The following KMT2C variants were observed in gnomAD, a reference collection of about 807,000 sequenced individuals.
KMT2C encodes the protein lysine methyltransferase 2C.
Under a neutral mutation model 507.9 loss-of-function variants are expected in KMT2C, and 88 were observed. The observed-to-expected ratio is 0.17, with a 90% confidence interval of 0.15 to 0.21. The LOEUF (loss-of-function observed/expected upper bound fraction) is 0.21, where lower values mean the gene tolerates loss of function less well. Ranked by LOEUF, KMT2C falls within the 10% of genes least tolerant of loss-of-function variation. KMT2C has a pLI of 1.00. For synonymous variants in KMT2C, 2,049 were observed against 2,080.8 expected, an observed-to-expected ratio of 0.98 and a Z score of 0.42; for missense variants, 4,954 against 5,957.8, an observed-to-expected ratio of 0.83 and a Z score of 5.55.
At position 152,195,938 on chromosome 7, in the gene KMT2C, T is replaced by C. The variant is rs759264264; in HGVS notation, c.4347A>G (p.Ser1449=). The C allele has an allele frequency of 6.2e-7, 1 of 1,607,392 alleles. No homozygotes were observed. Among genetic ancestry groups the C allele is most frequent in the Non-Finnish European group, 8.5e-7 (1 of 1,175,148 alleles). Residue 1449 remains serine (S), a synonymous_variant, in exon 28 of 59, where the codon TCA becomes TCG. Coordinates refer to ENST00000262189, the MANE Select transcript of KMT2C (RefSeq NM_170606.3). ...NTDDDILGII[S]DDLAKSVDHS... Reference sequence around the variant, plus strand: ...GATCAACTGATTTTGCTAGATCATCTGAAATTATTCCAAGAATGTCATCAT... The same window carrying C: ...GATCAACTGATTTTGCTAGATCATCCGAAATTATTCCAAGAATGTCATCAT...
At chr7:152,270,538 C>A (rs1270850237) in intron 7 of KMT2C, among the ~76,000 whole-genome samples, 2 of 152,166 alleles carry the variant, frequency 1.3e-5, no homozygotes, top group Admixed American at 1.3e-4. Context: ...CTACTACCCA[C>A]CTAGTAGGCT....
At chr7:152,370,092 G>A (rs2097282071) in intron 1 of KMT2C, among the ~76,000 whole-genome samples, 1 of 152,042 alleles carries the variant, frequency 6.6e-6, no homozygotes, top group Non-Finnish European at 1.5e-5. Context: ...TACTCAGGAG[G>A]CTGAGGCAGG....
At chr7:152,214,766 T>C (rs947844392) in intron 23 of KMT2C, among the ~76,000 whole-genome samples, 5 of 151,642 alleles carry the variant, frequency 3.3e-5, no homozygotes, top group Non-Finnish European at 5.9e-5. Flanking sequence ...AAGCTGAACG[T>C]ATAGAGAGTA....
intron 1 of KMT2C, among the ~76,000 whole-genome samples, chr7:152,430,936 A>G (rs1298827028): frequency 2.6e-5 from 4 of 152,210 alleles, no homozygotes; most frequent in Non-Finnish European, 5.9e-5. Context: ...TTAAGTTTAC[A>G]GAGTTGGACA....
At chr7:152,375,200 A>G (rs1447689159) in intron 1 of KMT2C, among the ~76,000 whole-genome samples, 1 of 151,988 alleles carries the variant, frequency 6.6e-6, no homozygotes, top group African/African-American at 2.4e-5. Context: ...GTGCCACCAC[A>G]CCCAGCTGAT....
intron 1 of KMT2C, among the ~76,000 whole-genome samples, chr7:152,431,718 C>G (rs1489613167): frequency 6.6e-6 from 1 of 152,036 alleles, no homozygotes; most frequent in Non-Finnish European, 1.5e-5. Flanking sequence ...AACTTTTCAA[C>G]TGAATTAAAA....
chr7:152,361,975 A>T (rs1023657982), intron 1 of KMT2C, among the ~76,000 whole-genome samples: 1 of 152,210 alleles, frequency 6.6e-6, no homozygotes, highest in East Asian at 1.9e-4. Context: ...AGATTACTCT[A>T]TCAATCTTCC....
chr7:152,139,539 T>C (rs1244959223), intron 56 of KMT2C, 136 bp downstream of exon 56: 5 of 671,390 alleles, frequency 7.4e-6, no homozygotes, highest in Non-Finnish European at 1.3e-5. Flanking sequence ...AATACACTAA[T>C]ATACAGATAT....
At chr7:152,164,796 ATTCCAAAAACCTTTGTGTCCCAATGTGC>A (rs1021221696) in intron 42 of KMT2C, among the ~76,000 whole-genome samples, 1 of 152,242 alleles carries the variant, frequency 6.6e-6, no homozygotes, top group African/African-American at 2.4e-5. Context: ...TAATTAATTC[ATTCCAAAAACCTTTGTGTCCCAATGTGC>A]TCAATACTAC....
intron 1 of KMT2C, among the ~76,000 whole-genome samples, chr7:152,416,660 G>A (rs1223047841): frequency 6.6e-6 from 1 of 150,488 alleles, no homozygotes; most frequent in Non-Finnish European, 1.5e-5. Flanking sequence ...GGAGGCGGAG[G>A]TTGCAGTAAG....
intron 52 of KMT2C, 90 bp downstream of exon 52, chr7:152,147,943 T>A (rs559155580): frequency 7.4e-7 from 1 of 1,355,326 alleles, no homozygotes; most frequent in South Asian, 1.6e-5. Context: ...AAAACTAACA[T>A]GAGACAAACA....
At chr7:152,350,110 C>T (rs1240572924) in intron 2 of KMT2C, among the ~76,000 whole-genome samples, 6 of 151,848 alleles carry the variant, frequency 4.0e-5, no homozygotes, top group African/African-American at 1.5e-4. Context: ...ATCAGCTGGG[C>T]GTGGTGGCAC....
chr7:152,251,081 G>C, intron 11 of KMT2C, 115 bp from the exon 12 acceptor site: 1 of 612,858 alleles, frequency 1.6e-6, no homozygotes, highest in Non-Finnish European at 2.9e-6. Context: ...AATGCTTTAA[G>C]TTTTTCTTCA....
At chr7:152,378,954 T>A (rs1176307918) in intron 1 of KMT2C, among the ~76,000 whole-genome samples, 1 of 152,154 alleles carries the variant, frequency 6.6e-6, no homozygotes, top group Non-Finnish European at 1.5e-5. Flanking sequence ...AAATGAAATA[T>A]ATAAAAGTTG....
chr7:152,229,169 T>C (rs1344383321), intron 18 of KMT2C, among the ~76,000 whole-genome samples: 5 of 152,168 alleles, frequency 3.3e-5, no homozygotes, highest in Non-Finnish European at 7.4e-5. Flanking sequence ...TTATATTACA[T>C]GGTATGGCAG....
intron 16 of KMT2C, among the ~76,000 whole-genome samples, chr7:152,235,320 G>A (rs1195369015): frequency 2.6e-5 from 4 of 151,940 alleles, no homozygotes; most frequent in Non-Finnish European, 5.9e-5. Context: ...AAAAGGACAA[G>A]AATCTAAGCT....
chr7:152,299,319 A>AAATAAAT (rs2096544715), intron 6 of KMT2C, among the ~76,000 whole-genome samples: 20 of 146,670 alleles, frequency 1.4e-4, no homozygotes, highest in Admixed American at 1.0e-3. Context: ...TCTATCTCAA[A>AAATAAAT]AAATAAATAA....
chr7:152,334,006 A>G, intron 2 of KMT2C, among the ~76,000 whole-genome samples: 1 of 152,246 alleles, frequency 6.6e-6, no homozygotes, highest in African/African-American at 2.4e-5. Flanking sequence ...ATGAAAATTT[A>G]CATTTCTATG....
intron 6 of KMT2C, among the ~76,000 whole-genome samples, chr7:152,299,748 C>T (rs2096549872): frequency 6.6e-6 from 1 of 151,516 alleles, no homozygotes; most frequent in African/African-American, 2.4e-5. Context: ...GGTCTAAATA[C>T]CCCCAATTAA....
Sources: gnomAD v4.1 joint callset for allele counts (sites outside exome capture counted in the v4.1 genomes callset) on GRCh38, gnomAD v4.1.1 for gene constraint, MANE v1.5 for transcripts, NCBI Gene and HGNC (gene_info 2026-07-23, HGNC 2026-07-21) for gene names.